FAT2: variants seen among roughly 807,000 people sequenced by gnomAD.
FAT2 encodes the protein protocadherin Fat 2.
A neutral mutation model predicts 295.3 loss-of-function variants in FAT2; 150 were observed. The observed-to-expected ratio is 0.51, with a 90% CI of 0.44 to 0.58. FAT2 has a LOEUF of 0.58. Among genes scored for constraint, FAT2 ranks in the 20% least tolerant of loss-of-function variants. The probability of loss-of-function intolerance (pLI) is 0.00; values close to 1 mark genes in which losing one functional copy is unlikely to be tolerated. For missense variants in FAT2, 4,868 were observed against 5,442.7 expected (o/e 0.89, Z 3.32); for synonymous variants, 2,026 against 2,150.3 (o/e 0.94, Z 1.60).
Position 151,549,484 on chromosome 5 carries a change from T to C in FAT2, c.4600A>G (p.Ile1534Val). ...TVMVRDQEIP[I>V]KRNFVWVTIH... ...GTCACCCACACGAAGTTCCTCTTGA[T>C]AGGTATTTCCTGGTCTCGGACCTAT... Residue 1534 changes from isoleucine (I) to valine (V), a missense_variant, in exon 9 of 24, where the codon ATC (isoleucine) becomes GTC (valine). Ile to Val is a conservative substitution (Grantham distance 29, BLOSUM62 3). Coordinates refer to ENST00000261800, the MANE Select transcript of FAT2 (RefSeq NM_001447.3). 6.2e-7 allele frequency: 1 copy of C among 1,614,196 alleles called. No individual in the cohort carries two copies. The highest frequency in any genetic ancestry group is 8.5e-7 in the Non-Finnish European group (1 of 1,180,036).
intron 3 of FAT2, among the ~76,000 whole-genome samples, chr5:151,557,239 A>G (rs1757779077): frequency 6.6e-6 from 1 of 152,126 alleles, no homozygotes; most frequent in Admixed American, 6.5e-5. Context: ...CTCTTCTTTC[A>G]ATAAACAAAC....
upstream of FAT2, among the ~76,000 whole-genome samples, chr5:151,591,667 G>A (rs1759412908): frequency 6.6e-6 from 1 of 152,130 alleles, no homozygotes; most frequent in African/African-American, 2.4e-5. Flanking sequence ...CCATGCTTCA[G>A]ATCTGAGACT....
chr5:151,520,622 T>C (rs1225390073), intron 19 of FAT2, among the ~76,000 whole-genome samples: 2 of 151,986 alleles, frequency 1.3e-5, no homozygotes, highest in African/African-American at 2.4e-5. Flanking sequence ...TTACGTAATT[T>C]CCCCCCCGAA....
intron 1 of FAT2, among the ~76,000 whole-genome samples, chr5:151,580,395 G>C (rs1758901299): frequency 6.6e-6 from 1 of 152,208 alleles, no homozygotes; most frequent in Non-Finnish European, 1.5e-5. Context: ...CCTTCCTGGA[G>C]GATTTAATGA....
intron 11 of FAT2, among the ~76,000 whole-genome samples, chr5:151,539,758 G>T (rs948317712): frequency 2.6e-4 from 39 of 152,176 alleles, no homozygotes; most frequent in African/African-American, 8.4e-4. Context: ...AGCAATTGTT[G>T]GTTTATGCCT....
chr5:151,507,672 T>G, intron 22 of FAT2, 61 bp from the exon 23 acceptor site: 1 of 1,441,544 alleles, frequency 6.9e-7, no homozygotes, highest in Non-Finnish European at 9.3e-7. Flanking sequence ...TGTCCCCTCT[T>G]ACAGAGATCT....
chr5:151,556,871 A>C (rs895725948), intron 3 of FAT2, among the ~76,000 whole-genome samples: 1 of 152,148 alleles, frequency 6.6e-6, no homozygotes, highest in Non-Finnish European at 1.5e-5. Flanking sequence ...TGATGGATCT[A>C]TTGGAATATG....
chr5:151,556,428 A>T (rs1757699426), intron 3 of FAT2, 26 bp from the exon 4 acceptor site: 1 of 1,587,312 alleles, frequency 6.3e-7, no homozygotes, highest in Non-Finnish European at 8.6e-7. Flanking sequence ...TAAGGGAGAG[A>T]CATGAGCAGA....
intron 20 of FAT2, among the ~76,000 whole-genome samples, chr5:151,516,353 C>T (rs534147200): frequency 8.4e-4 from 128 of 151,884 alleles, no homozygotes; most frequent in South Asian, 3.8e-3. Flanking sequence ...CTGCTAAAGA[C>T]GCAAAAGAAA....
In FAT2 at chr5:151,505,997, C is replaced by T. The variant is rs112219343; in HGVS notation, c.12618G>A (p.Ser4206=). 38 of 1,573,336 alleles carry T rather than the reference C, an allele frequency of 2.4e-5. 2 individuals are homozygous for T. The African/African-American group carries it at 2.6e-4, about 11-fold the overall frequency. Reference sequence around the variant, plus strand: ...CGACTGGGGTTGAGTGGCGGTGAGCCGAGGGCGGCAGAGGGCCCTGAGTCA... The same window carrying T: ...CGACTGGGGTTGAGTGGCGGTGAGCTGAGGGCGGCAGAGGGCCCTGAGTCA... The part of the protein sequence containing the change: ...SEVTQGPLPP[S]AHRHSTPVVM... Residue 4206 remains serine, a synonymous_variant, in exon 24 of 24, where the codon TCG becomes TCA. Coordinates refer to ENST00000261800, the MANE Select transcript of FAT2 (RefSeq NM_001447.3).
At position 151,549,373 on chromosome 5, in the gene FAT2, C is replaced by G. The variant is rs10044879; in HGVS notation, c.4711G>C (p.Gly1571Arg). 12 of 1,613,968 alleles carry G rather than the reference C, an allele frequency of 7.4e-6. 1 individual carries two copies. The South Asian group carries it at 1.2e-4, about 16-fold the overall frequency. Residue 1571 changes from glycine (G) to arginine (R), a missense_variant, in exon 9 of 24, where the codon GGC becomes CGC. Physicochemically the swap from Gly to Arg is moderately radical, Grantham distance 125 (BLOSUM62 -2). Coordinates refer to ENST00000261800, the MANE Select transcript of FAT2 (RefSeq NM_001447.3). ...GCTCGGACCTGCAGCAGCTCTGTGCCGGGGGCTATGGTGTCAGGAACACTT... is the reference window on the plus strand; with the variant it reads ...GCTCGGACCTGCAGCAGCTCTGTGCGGGGGGCTATGGTGTCAGGAACACTT... ...EASVPDTIAP[G>R]TELLQVRAMD...
intron 4 of FAT2, 135 bp downstream of exon 4, chr5:151,556,209 A>G: frequency 1.4e-6 from 1 of 723,334 alleles, no homozygotes; most frequent in Non-Finnish European, 2.5e-6. Flanking sequence ...AGGATCATCC[A>G]GCAAGGTTCA....
chr5:151,573,266 G>A (rs749325738), intron 1 of FAT2, among the ~76,000 whole-genome samples: 47 of 152,186 alleles, frequency 3.1e-4, no homozygotes, highest in African/African-American at 9.2e-4. Context: ...CATAAGTGCC[G>A]AGCACAATAC....
chr5:151,593,623 G>A (rs1561895281), upstream of FAT2, among the ~76,000 whole-genome samples: 1 of 152,060 alleles, frequency 6.6e-6, no homozygotes, highest in Non-Finnish European at 1.5e-5. Flanking sequence ...TGCTGAAATT[G>A]TACCTCTCTG....
chr5:151,504,646 A>C lies in FAT2; in HGVS notation c.*919T>G, dbSNP rs1180290248. The C allele has an allele frequency of 6.5e-6, 1 of 152,676 alleles. No homozygotes were observed. Among genetic ancestry groups the C allele is most frequent in the East Asian group, 1.9e-4 (1 of 5,200 alleles). 9.5% of individuals were successfully genotyped at this position (152,676 alleles called of 1,614,324 possible). A position where few individuals can be genotyped will look rare whatever the true frequency, so the allele number is the denominator to read the frequency against. On this transcript the variant is annotated 3_prime_UTR_variant, in exon 24 of 24. Transcript: ENST00000261800. ...TGTCTAGGGAAGAAAAATCCCATTGAGGAAACTCATCCAGACAGCAAGGTC... is the reference window on the plus strand; with the variant it reads ...TGTCTAGGGAAGAAAAATCCCATTGCGGAAACTCATCCAGACAGCAAGGTC...
chr5:151,556,561 A>G (rs1389890479), intron 3 of FAT2, among the ~76,000 whole-genome samples, 159 bp from the exon 4 acceptor site: 1 of 152,172 alleles, frequency 6.6e-6, no homozygotes, highest in Non-Finnish European at 1.5e-5. Flanking sequence ...TTCAACTTAA[A>G]TTTCCTACTT....
intron 1 of FAT2, among the ~76,000 whole-genome samples, chr5:151,584,392 G>C (rs1208187083): frequency 1.3e-5 from 2 of 152,090 alleles, no homozygotes; most frequent in Non-Finnish European, 2.9e-5. Flanking sequence ...TCTGTTCTTG[G>C]AGCAATATTC....
intron 3 of FAT2, among the ~76,000 whole-genome samples, chr5:151,563,023 T>C (rs894986958): frequency 4.6e-5 from 7 of 152,204 alleles, no homozygotes; most frequent in African/African-American, 1.4e-4. Context: ...CTTAGTTTCC[T>C]TGGGCCCCAA....
In FAT2 at chr5:151,546,070, C is replaced by A. The variant is rs1756599829; in HGVS notation, c.5057G>T (p.Ser1686Ile). The A allele has an allele frequency of 3.1e-6, 5 of 1,614,022 alleles. No homozygotes were observed. The South Asian group carries it at 4.4e-5, about 14-fold the overall frequency. Residue 1686 changes from serine (S) to isoleucine (I), a missense_variant, in exon 10 of 24, where the codon AGC becomes ATC. Transcript: ENST00000261800. ...TAACTCATAGGTAACTTCAGAGGGG[C>A]TCATAGCAGAGACAAGGAGGATTGG... ...GSPILLVSAM[S>I]PSEVTYELRE...
Sources: gnomAD v4.1 joint callset for allele counts (sites outside exome capture counted in the v4.1 genomes callset) on GRCh38, gnomAD v4.1.1 for gene constraint, MANE v1.5 for transcripts, NCBI Gene and HGNC (gene_info 2026-07-23, HGNC 2026-07-21) for gene names.